STK32C: variants seen among roughly 807,000 people sequenced by gnomAD.
STK32C encodes the protein serine/threonine kinase 32C, also known as serine/threonine-protein kinase 32C.
In STK32C, 31 loss-of-function variants were observed where a neutral mutation model predicts 56.5. The observed-to-expected ratio is 0.55, with a 90% CI of 0.41 to 0.74. The LOEUF is 0.74. Among genes scored for constraint, STK32C ranks in the 30% least tolerant of loss-of-function variants. The probability of loss-of-function intolerance (pLI) is 0.00; values close to 1 mark genes in which losing one functional copy is unlikely to be tolerated. For missense variants in STK32C, 544 were observed against 676.9 expected, an observed-to-expected ratio of 0.80 and a Z score of 2.18; for synonymous variants, 309 against 289.4, an observed-to-expected ratio of 1.07 and a Z score of -0.69.
At chr10:132,329,313 T>C (rs758997757) in intron 1 of STK32C, among the ~76,000 whole-genome samples, 1 of 151,604 alleles carries the variant, frequency 6.6e-6, no homozygotes, top group Non-Finnish European at 1.5e-5. Context: ...ACTTGAGGGG[T>C]TGAGGTGGGA....
At chr10:132,234,497 G>A (rs765441780) in intron 2 of STK32C, among the ~76,000 whole-genome samples, 8 of 152,208 alleles carry the variant, frequency 5.3e-5, no homozygotes, top group Non-Finnish European at 1.0e-4. Context: ...GACTCTGGGT[G>A]CTCCTTCACT....
intron 1 of STK32C, among the ~76,000 whole-genome samples, chr10:132,325,136 T>G (rs959589066): frequency 6.6e-6 from 1 of 152,156 alleles, no homozygotes; most frequent in Non-Finnish European, 1.5e-5. Flanking sequence ...CCAAATCTTA[T>G]GTTGAATTCC....
At chr10:132,254,226 A>G (rs1264737545) in intron 1 of STK32C, among the ~76,000 whole-genome samples, 3 of 152,094 alleles carry the variant, frequency 2.0e-5, no homozygotes, top group South Asian at 4.2e-4. Flanking sequence ...GGAGAACGGC[A>G]TGAACCCGGG....
chr10:132,252,823 G>A lies in STK32C; in HGVS notation c.263-6868C>T, dbSNP rs1423011383. On this transcript the variant is annotated intron_variant, in intron 1 of 11. Transcript: ENST00000298630. ...TTTTGGTGTTGGCAACTGAGAGCAG[G>A]TCCTATGAGAGTCGCCATCTGAATC... Among the ~76,000 whole-genome samples, 3 of 152,196 alleles carry A rather than the reference G, an allele frequency of 2.0e-5. No individual in the cohort carries two copies. The East Asian group carries it at 5.8e-4, about 29-fold the overall frequency.
At chr10:132,278,021 C>T (rs996515983) in intron 1 of STK32C, among the ~76,000 whole-genome samples, 1 of 152,218 alleles carries the variant, frequency 6.6e-6, no homozygotes, top group Admixed American at 6.5e-5. Context: ...CCCCAGTTCC[C>T]TCCAGGGAGA....
chr10:132,299,890 GT>G (rs1172344255), intron 1 of STK32C, among the ~76,000 whole-genome samples: 1 of 152,248 alleles, frequency 6.6e-6, no homozygotes, highest in African/African-American at 2.4e-5. Flanking sequence ...AGGCTCTGAG[GT>G]CAGACGTCAC....
intron 1 of STK32C, among the ~76,000 whole-genome samples, chr10:132,283,454 A>G (rs888210566): frequency 6.6e-6 from 1 of 152,192 alleles, no homozygotes; most frequent in Non-Finnish European, 1.5e-5. Flanking sequence ...TCCTGGATGC[A>G]CTCACTGGGA....
intron 1 of STK32C, among the ~76,000 whole-genome samples, chr10:132,274,079 A>G (rs770833046): frequency 6.6e-6 from 1 of 152,202 alleles, no homozygotes; most frequent in South Asian, 2.1e-4. Context: ...GCTGAGGTGC[A>G]GGGGTTGGGG....
chr10:132,307,423 A>C lies in STK32C; in HGVS notation c.262+149T>G. 1 of 900,774 alleles carries C rather than the reference A, an allele frequency of 1.1e-6. No individual in the cohort carries two copies. The allele number at this position is 900,774 out of a possible 1,614,324, so 55.8% of individuals were successfully genotyped here. Reference sequence around the variant, plus strand: ...GCGCCCAGAACTCGCGTGGGGCCGCAGCCACCCGGCGCGAGCTTCTCCGGA... The same window carrying C: ...GCGCCCAGAACTCGCGTGGGGCCGCCGCCACCCGGCGCGAGCTTCTCCGGA... On this transcript the variant is annotated intron_variant, in intron 1 of 11. Coordinates refer to ENST00000298630, the MANE Select transcript of STK32C (RefSeq NM_173575.4). This position sits in a 1 kb window ranked among gnomAD's most constrained non-coding sequence, Gnocchi z 4.4.
At chr10:132,263,824 C>A (rs1021976607) in intron 1 of STK32C, among the ~76,000 whole-genome samples, 3 of 146,242 alleles carry the variant, frequency 2.1e-5, no homozygotes, top group African/African-American at 7.6e-5. Flanking sequence ...TGAGATTGTG[C>A]CACTGCACTC....
At chr10:132,274,659 C>G (rs1364992469) in intron 1 of STK32C, among the ~76,000 whole-genome samples, 3 of 152,238 alleles carry the variant, frequency 2.0e-5, no homozygotes, top group African/African-American at 7.2e-5. Flanking sequence ...TGCACTGGTC[C>G]CTCAGGCGTG....
At chr10:132,273,251 A>T (rs1452177200) in intron 1 of STK32C, among the ~76,000 whole-genome samples, 1 of 152,044 alleles carries the variant, frequency 6.6e-6, no homozygotes, top group Non-Finnish European at 1.5e-5. Context: ...CCCCACCAAG[A>T]GGGCAGCCCC....
chr10:132,324,692 A>T (rs1322562625), intron 1 of STK32C, among the ~76,000 whole-genome samples: 1 of 152,236 alleles, frequency 6.6e-6, no homozygotes, highest in Non-Finnish European at 1.5e-5. Flanking sequence ...ATACTTAAAG[A>T]GGTTTATTTC....
chr10:132,301,060 A>G (rs1231352729), intron 1 of STK32C, among the ~76,000 whole-genome samples: 2 of 152,082 alleles, frequency 1.3e-5, no homozygotes, highest in Non-Finnish European at 2.9e-5. Flanking sequence ...TTCAGCTCTG[A>G]GCTTCCCAAC....
At chr10:132,276,897 G>C (rs942056367) in intron 1 of STK32C, among the ~76,000 whole-genome samples, 1 of 152,168 alleles carries the variant, frequency 6.6e-6, no homozygotes, top group African/African-American at 2.4e-5. Context: ...CCCAGGGCTC[G>C]AGGCCGTGGC....
intron 1 of STK32C, among the ~76,000 whole-genome samples, chr10:132,297,794 G>A (rs557940931): frequency 4.6e-5 from 7 of 152,320 alleles, no homozygotes; most frequent in South Asian, 2.1e-4. Flanking sequence ...GGCCCGCCCC[G>A]CGGCCAGCAG....
chr10:132,235,493 TTA>T (rs2063250506), intron 2 of STK32C, among the ~76,000 whole-genome samples: 1 of 72,410 alleles, frequency 1.4e-5, no homozygotes, highest in Non-Finnish European at 2.6e-5. Context: ...AGACTCAGCC[TTA>T]AAAAAAAAAA....
chr10:132,218,423 T>C (rs1016946457), intron 10 of STK32C, among the ~76,000 whole-genome samples: 2 of 152,236 alleles, frequency 1.3e-5, no homozygotes, highest in African/African-American at 4.8e-5. Context: ...GACATTTCTC[T>C]AGACACAATG....
rs750292575 is a variant in STK32C, at chr10:132,208,170, A to G, written c.1320-19T>C. The G allele has an allele frequency of 6.1e-6, 8 of 1,308,356 alleles. No individual in the cohort carries two copies. Among genetic ancestry groups the G allele is most frequent in the Non-Finnish European group, 7.8e-6 (8 of 1,020,568 alleles). The allele number at this position is 1,308,356 out of a possible 1,614,324, so 81.0% of individuals were successfully genotyped here. A position where few individuals can be genotyped will look rare whatever the true frequency, so the allele number is the denominator to read the frequency against. The stretch of plus-strand genomic sequence containing the variant: ...CTTCAGCCTGGGGTGGCAGGAACAC[A>G]TGGAGGGCGTTATGCCCCCACCTCC... On this transcript the variant is annotated intron_variant, in intron 11 of 11. Transcript: ENST00000298630.
Sources: allele counts gnomAD v4.1 joint callset (sites outside exome capture counted in the v4.1 genomes callset), GRCh38; gene constraint gnomAD v4.1.1; non-coding constraint Gnocchi (gnomAD v3.1); transcripts MANE v1.5; gene names NCBI Gene and HGNC (gene_info 2026-07-23, HGNC 2026-07-21).